RUSC2: variants seen among roughly 807,000 people sequenced by gnomAD.
The protein encoded by RUSC2 is RUN and SH3 domain containing 2, also known as AP-4 complex accessory subunit RUSC2.
RUSC2 carries 34 observed loss-of-function variants against 122.2 expected under a neutral mutation model. The observed-to-expected ratio is 0.28, with a 90% confidence interval of 0.21 to 0.37. RUSC2 has a LOEUF of 0.37. Ranked by LOEUF, RUSC2 falls within the 10% of genes least tolerant of loss-of-function variation. The probability of loss-of-function intolerance (pLI) is 1.00; values close to 1 mark genes in which losing one functional copy is unlikely to be tolerated. For missense variants in RUSC2, 1,747 were observed against 1,952.4 expected (o/e 0.89, Z 1.98); for synonymous variants, 784 against 790.0 (o/e 0.99, Z 0.13).
At position 35,561,296 on chromosome 9, in the gene RUSC2, C is replaced by T. The variant is rs138573245; in HGVS notation, c.4465C>T (p.Arg1489Cys). 1.7e-5 allele frequency: 27 copies of T among 1,613,976 alleles called. No homozygotes were observed. Among genetic ancestry groups the T allele is most frequent in the Admixed American group, 3.3e-5 (2 of 59,998 alleles). The change falls in exon 12 of 12, where the codon CGT (arginine) becomes TGT (cysteine). Residue 1489 changes from arginine to cysteine, a missense_variant. Physicochemically the swap from Arg to Cys is radical, Grantham distance 180. Transcript: ENST00000361226. The stretch of plus-strand genomic sequence containing the variant: ...TGGAGGAGACTGGCTGCGCTGCAGC[C>T]GTGGCCCCGACTCTGGCCTGGTGCC... ...RAGGDWLRCS[R>C]GPDSGLVPLA...
intron 1 of RUSC2, among the ~76,000 whole-genome samples, chr9:35,507,004 G>A (rs1160436449): frequency 6.6e-6 from 1 of 152,070 alleles, no homozygotes; most frequent in East Asian, 1.9e-4. Context: ...TGTAGTCCCA[G>A]CTACTTGGGA....
chr9:35,536,808 C>CAAAAAAAAAAAAAAAAAA, intron 1 of RUSC2, among the ~76,000 whole-genome samples: 1 of 69,626 alleles, frequency 1.4e-5, no homozygotes, highest in Non-Finnish European at 2.5e-5. Flanking sequence ...GAGTGAAACT[C>CAAAAAAAAAAAAAAAAAA]AAAAAAAAAA....
intron 1 of RUSC2, among the ~76,000 whole-genome samples, chr9:35,527,977 C>G (rs575068646): frequency 5.9e-5 from 9 of 152,346 alleles, no homozygotes; most frequent in African/African-American, 2.2e-4. Flanking sequence ...TGACAAGGAA[C>G]CCTGGTTCTC....
In RUSC2 at chr9:35,561,412, C is replaced by T; in HGVS notation, c.*30C>T. ...CTGTGCATGCTGGTGGCCTCAGGGA[C>T]CCTCATAACCCCCAGACTCAGAGCC... is the stretch of plus-strand genomic sequence containing the variant. On this transcript the variant is annotated 3_prime_UTR_variant, in exon 12 of 12. Transcript: ENST00000361226. 6.4e-7 allele frequency: 1 copy of T among 1,550,748 alleles called. No homozygotes were observed. The highest frequency in any genetic ancestry group is 1.2e-5 in the South Asian group (1 of 83,654).
chr9:35,513,764 C>A (rs1042752922), intron 1 of RUSC2, among the ~76,000 whole-genome samples: 2 of 150,270 alleles, frequency 1.3e-5, no homozygotes, highest in Non-Finnish European at 3.0e-5. Flanking sequence ...GTAATCCCAG[C>A]AATTTGAGAG....
chr9:35,495,811 G>A (rs1323306628), intron 1 of RUSC2, among the ~76,000 whole-genome samples: 2 of 152,020 alleles, frequency 1.3e-5, no homozygotes, highest in Non-Finnish European at 2.9e-5. Flanking sequence ...ATCACCAGAT[G>A]TTTTTTCATT....
chr9:35,520,901 C>G (rs1176597596), intron 1 of RUSC2, among the ~76,000 whole-genome samples: 2 of 152,182 alleles, frequency 1.3e-5, no homozygotes, highest in Non-Finnish European at 2.9e-5. Context: ...CACTGCTGCT[C>G]TCTCCATCAC....
At position 35,547,401 on chromosome 9, in the gene RUSC2, A is replaced by C. The variant is rs1587861771; in HGVS notation, c.880A>C (p.Thr294Pro). 1 of 1,613,478 alleles carries C rather than the reference A, an allele frequency of 6.2e-7. No homozygotes were observed. Among genetic ancestry groups the C allele is most frequent in the Non-Finnish European group, 8.5e-7 (1 of 1,179,860 alleles). The change falls in exon 2 of 12, where the codon ACC becomes CCC. Residue 294 changes from threonine to proline, a missense_variant. Transcript: ENST00000361226. This position sits in a 1 kb window ranked among gnomAD's most constrained non-coding sequence, Gnocchi z 4.6. Reference protein sequence around the residue: ...FSTLYNKMHGTPRANLNSAPQ... With the variant: ...FSTLYNKMHGPPRANLNSAPQ... ...CACCCTCTACAACAAGATGCATGGCACCCCCCGTGCCAATCTCAACTCTGC... is the reference window on the plus strand; with the variant it reads ...CACCCTCTACAACAAGATGCATGGCCCCCCCCGTGCCAATCTCAACTCTGC...
Position 35,561,080 on chromosome 9 carries a change from G to GC in RUSC2, c.4335dup (p.Ser1446LeufsTer6). 1 of 1,614,090 alleles carries GC rather than the reference G, an allele frequency of 6.2e-7. No individual in the cohort carries two copies. Among genetic ancestry groups the GC allele is most frequent in the Non-Finnish European group, 8.5e-7 (1 of 1,179,958 alleles). On this transcript the variant is annotated frameshift_variant, in exon 11 of 12. Transcript: ENST00000361226. LOFTEE classifies it high-confidence loss of function. ...TGCAGGAGCCACACTCCCCAGCCCT[G>GC]CCCTCCAGTCCTCCGTGGTAAGCCT...
chr9:35,491,695 A>G (rs1038613782), intron 1 of RUSC2, among the ~76,000 whole-genome samples: 3 of 152,184 alleles, frequency 2.0e-5, no homozygotes, highest in Non-Finnish European at 4.4e-5. Context: ...TCAGCCTGTA[A>G]TCCCGGCACT....
At chr9:35,521,305 G>A (rs1398194647) in intron 1 of RUSC2, among the ~76,000 whole-genome samples, 1 of 152,186 alleles carries the variant, frequency 6.6e-6, no homozygotes, top group Non-Finnish European at 1.5e-5. Context: ...GGAGAAAGGT[G>A]TATACTTTTG....
chr9:35,551,978 C>G (rs757508851), intron 2 of RUSC2, among the ~76,000 whole-genome samples: 4 of 152,092 alleles, frequency 2.6e-5, no homozygotes, highest in African/African-American at 9.7e-5. Flanking sequence ...GCAGGAGGAT[C>G]GCCTGAGCCC....
At chr9:35,553,372 C>T (rs1462915482) in intron 2 of RUSC2, among the ~76,000 whole-genome samples, 1 of 152,180 alleles carries the variant, frequency 6.6e-6, no homozygotes, top group African/African-American at 2.4e-5. Context: ...ATACTGTGTG[C>T]CAGCCTCTGT....
chr9:35,560,680 G>C lies in RUSC2; in HGVS notation c.4040G>C (p.Ser1347Thr). 6.4e-7 allele frequency: 1 copy of C among 1,574,352 alleles called. No homozygotes were observed. The highest frequency in any genetic ancestry group is 1.1e-5 in the South Asian group (1 of 87,388). Reference protein sequence around the residue: ...RERGWPFWMGSPPDSVLAELR... With the variant: ...RERGWPFWMGTPPDSVLAELR... Reference sequence around the variant, plus strand: ...AGGGGCTGGCCCTTCTGGATGGGGAGCCCCCCTGACTCTGTGCTGGCCGAG... The same window carrying C: ...AGGGGCTGGCCCTTCTGGATGGGGACCCCCCCTGACTCTGTGCTGGCCGAG... Residue 1347 changes from serine (S) to threonine (T), a missense_variant, in exon 10 of 12, where the codon AGC becomes ACC. Physicochemically the swap from Ser to Thr is moderately conservative, Grantham distance 58 (BLOSUM62 1). Coordinates refer to ENST00000361226, the MANE Select transcript of RUSC2 (RefSeq NM_014806.5).
chr9:35,512,745 C>T (rs955825681), intron 1 of RUSC2, among the ~76,000 whole-genome samples: 11 of 152,092 alleles, frequency 7.2e-5, no homozygotes, highest in African/African-American at 2.4e-4. Flanking sequence ...CCTCCCGTCC[C>T]TCTTTTATAC....
Position 35,547,958 on chromosome 9 carries a change from A to C in RUSC2, c.1437A>C (p.Gln479His), listed in dbSNP as rs1214647916. ...TGGGCCCCACTGTGCTTGAGGGACA[A>C]GTATACACGAATACTTCACCCCCCA... ...AAVGPTVLEG[Q>H]VYTNTSPPNL... Residue 479 changes from glutamine to histidine, a missense_variant, in exon 2 of 12, where the codon CAA (glutamine) becomes CAC (histidine). Gln to His is a conservative substitution (Grantham distance 24). Transcript: ENST00000361226. This position sits in a 1 kb window ranked among gnomAD's most constrained non-coding sequence, Gnocchi z 4.6. 8.1e-6 allele frequency: 13 copies of C among 1,614,144 alleles called. No individual in the cohort carries two copies. The highest frequency in any genetic ancestry group is 1.0e-5 in the Non-Finnish European group (12 of 1,180,024).
Position 35,561,108 on chromosome 9 carries a change from G to A in RUSC2, c.4349+11G>A. 6.2e-7 allele frequency: 1 copy of A among 1,613,864 alleles called. No homozygotes were observed. The highest frequency in any genetic ancestry group is 8.5e-7 in the Non-Finnish European group (1 of 1,179,838). On this transcript the variant is annotated intron_variant, in intron 11 of 11. Transcript: ENST00000361226. ...CTCCAGTCCTCCGTGGTAAGCCTGG[G>A]GAAACGGAAGGGCTGAGGGGGGCGG...
Position 35,548,630 on chromosome 9 carries a change from A to G in RUSC2, c.2014+95A>G, listed in dbSNP as rs528242925. ...AGGTCCCTGCCAGACCACCCCATCCATACCACTAGAGGTTCCACATCCTAG... is the reference window on the plus strand; with the variant it reads ...AGGTCCCTGCCAGACCACCCCATCCGTACCACTAGAGGTTCCACATCCTAG... On this transcript the variant is annotated intron_variant, in intron 2 of 11. Coordinates refer to ENST00000361226, the MANE Select transcript of RUSC2 (RefSeq NM_014806.5). This position sits in a 1 kb window ranked among gnomAD's most constrained non-coding sequence, Gnocchi z 4.5. 1.4e-6 allele frequency: 2 copies of G among 1,450,004 alleles called. No homozygotes were observed. The highest frequency in any genetic ancestry group is 2.9e-5 in the South Asian group (2 of 68,730). 89.8% of individuals were successfully genotyped at this position (1,450,004 alleles called of 1,614,324 possible).
chr9:35,502,020 C>CTT (rs966095760), intron 1 of RUSC2, among the ~76,000 whole-genome samples: 1 of 152,094 alleles, frequency 6.6e-6, no homozygotes, highest in African/African-American at 2.4e-5. Context: ...ACCTCTTTCC[C>CTT]TTTGAGTACT....
Sources: allele counts gnomAD v4.1 joint callset (sites outside exome capture counted in the v4.1 genomes callset), GRCh38; gene constraint gnomAD v4.1.1; non-coding constraint Gnocchi (gnomAD v3.1); transcripts MANE v1.5; gene names NCBI Gene and HGNC (gene_info 2026-07-23, HGNC 2026-07-21).